Variants in HSPA9 observed in about 807,000 individuals in gnomAD.
HSPA9 encodes the protein heat shock protein family A (Hsp70) member 9, also known as stress-70 protein, mitochondrial.
Under a neutral mutation model 81.5 loss-of-function variants are expected in HSPA9, and 28 were observed. The observed-to-expected ratio is 0.34, with a 90% CI of 0.25 to 0.47. The LOEUF (loss-of-function observed/expected upper bound fraction) is 0.47, where lower values mean the gene tolerates loss of function less well. HSPA9 is among the 20% of genes least tolerant of loss of function. The probability of loss-of-function intolerance (pLI) is 1.00; values close to 1 mark genes in which losing one functional copy is unlikely to be tolerated. For missense variants in HSPA9, 678 were observed against 838.0 expected (o/e 0.81, Z 2.36); for synonymous variants, 293 against 290.4 (o/e 1.01, Z -0.09).
At chr5:138,557,361 G>C (rs1750550965) in intron 14 of HSPA9, 41 bp downstream of exon 14, 1 of 1,353,374 alleles carries the variant, frequency 7.4e-7, no homozygotes, top group East Asian at 2.3e-5. Flanking sequence ...TCAAGACTGA[G>C]CTTTACTAAG....
In HSPA9 at chr5:138,559,975, C is replaced by T. The variant is rs61755727; in HGVS notation, c.1299G>A (p.Thr433=). ...GAGTGACATCAAGGAGCAGCACATC[C>T]GTGACATCGCCGGCCAACACACCTC... ...IQGGVLAGDV[T]DVLLLDVTPL... Residue 433 remains threonine (T), a synonymous_variant, in exon 11 of 17, where the codon ACG becomes ACA. Transcript: ENST00000297185. 18 of 1,614,072 alleles carry T rather than the reference C, an allele frequency of 1.1e-5. No individual in the cohort carries two copies. Among genetic ancestry groups the T allele is most frequent in the South Asian group, 9.9e-5 (9 of 91,074 alleles).
chr5:138,572,379 G>C (rs1580751153), intron 3 of HSPA9, among the ~76,000 whole-genome samples: 1 of 152,166 alleles, frequency 6.6e-6, no homozygotes, highest in Non-Finnish European at 1.5e-5. Context: ...ACTATTAAGA[G>C]GGGTGGGAAT....
rs1207657183 is a variant in HSPA9, at chr5:138,555,822, G to C, written c.*215C>G. ...CATGCAGCTGAAAAATGACAGGCTA[G>C]GGACATAGAATATTGTGAACTTTAT... On this transcript the variant is annotated 3_prime_UTR_variant, in exon 17 of 17. Coordinates refer to ENST00000297185, the MANE Select transcript of HSPA9 (RefSeq NM_004134.7). The C allele has an allele frequency of 3.4e-6, 2 of 588,530 alleles. No homozygotes were observed. The highest frequency in any genetic ancestry group is 6.0e-6 in the Non-Finnish European group (2 of 332,294). 36.5% of individuals were successfully genotyped at this position (588,530 alleles called of 1,614,324 possible). A position where few individuals can be genotyped will look rare whatever the true frequency, so the allele number is the denominator to read the frequency against.
In HSPA9 at chr5:138,575,347, C is replaced by T. The variant is rs1751070330; in HGVS notation, c.-29G>A. ...GGATAAATGGAGGAGTACGAGGCAG[C>T]AAACAAGCGCTCCGACGGCAAAGAG... On this transcript the variant is annotated 5_prime_UTR_variant, in exon 1 of 17. Transcript: ENST00000297185. The T allele has an allele frequency of 2.5e-6, 4 of 1,575,982 alleles. No individual in the cohort carries two copies. The highest frequency in any genetic ancestry group is 1.7e-5 in the Admixed American group (1 of 59,212).
intron 1 of HSPA9, 27 bp downstream of exon 1, chr5:138,575,211 C>T (rs1264919726): frequency 3.9e-6 from 6 of 1,543,474 alleles, no homozygotes; most frequent in South Asian, 1.2e-5. Context: ...GGCCGTGACC[C>T]CATTCGGGAA....
intron 11 of HSPA9, chr5:138,559,058 A>G: frequency 5.0e-6 from 1 of 201,876 alleles, no homozygotes; most frequent in Admixed American, 5.2e-5. Context: ...CAACAACCAT[A>G]GTTTTATGGA....
intron 9 of HSPA9, among the ~76,000 whole-genome samples, chr5:138,565,575 A>G (rs901268655): frequency 6.6e-6 from 1 of 152,224 alleles, no homozygotes; most frequent in Admixed American, 6.5e-5. Context: ...AATGGTTTAT[A>G]TAATTCTATT....
intron 8 of HSPA9, 43 bp downstream of exon 8, chr5:138,566,958 T>G: frequency 6.3e-7 from 1 of 1,590,652 alleles, no homozygotes; most frequent in Non-Finnish European, 8.6e-7. Flanking sequence ...AAAGAATTTC[T>G]CAATATCCCA....
At position 138,555,976 on chromosome 5, in the gene HSPA9, G is replaced by C; in HGVS notation, c.*61C>G. On this transcript the variant is annotated 3_prime_UTR_variant, in exon 17 of 17. Coordinates refer to ENST00000297185, the MANE Select transcript of HSPA9 (RefSeq NM_004134.7). The stretch of plus-strand genomic sequence containing the variant: ...CTGAAGTTCGCCCATTTCTGCTCAG[G>C]AAGTCTCTTCACTCCTAAGCTTCAT... 8.4e-7 allele frequency: 1 copy of C among 1,185,928 alleles called. No homozygotes were observed. 73.5% of individuals were successfully genotyped at this position (1,185,928 alleles called of 1,614,324 possible). A position where few individuals can be genotyped will look rare whatever the true frequency, so the allele number is the denominator to read the frequency against.
intron 16 of HSPA9, 31 bp from the exon 17 acceptor site, chr5:138,556,145 AT>A: frequency 6.4e-7 from 1 of 1,567,538 alleles, no homozygotes; most frequent in Non-Finnish European, 8.8e-7. Flanking sequence ...AGCCACTCAG[AT>A]TTAACGTTAG....
Position 138,571,107 on chromosome 5 carries a change from G to T in HSPA9, c.263C>A (p.Pro88His), listed in dbSNP as rs1750874323. ...ATCTGCTGTAAAGGCCACAACTGAAGGGGTGGTTCTGGCACCTTCGGCATT... is the reference window on the plus strand; with the variant it reads ...ATCTGCTGTAAAGGCCACAACTGAATGGGTGGTTCTGGCACCTTCGGCATT... ...LENAEGARTTPSVVAFTADGE... is the reference protein window; with the variant it reads ...LENAEGARTTHSVVAFTADGE... Residue 88 changes from proline to histidine, a missense_variant, in exon 4 of 17, where the codon CCT becomes CAT. Physicochemically the swap from Pro to His is moderately conservative, Grantham distance 77. Coordinates refer to ENST00000297185, the MANE Select transcript of HSPA9 (RefSeq NM_004134.7). The T allele has an allele frequency of 6.2e-7, 1 of 1,613,972 alleles. No individual in the cohort carries two copies. The highest frequency in any genetic ancestry group is 8.5e-7 in the Non-Finnish European group (1 of 1,180,040).
In HSPA9 at chr5:138,555,973, CA is replaced by C. The variant is rs1009176634; in HGVS notation, c.*63del. The C allele has an allele frequency of 4.5e-5, 52 of 1,157,026 alleles. No homozygotes were observed. Among genetic ancestry groups the C allele is most frequent in the Middle Eastern group, 2.3e-4 (1 of 4,286 alleles). 71.7% of individuals were successfully genotyped at this position (1,157,026 alleles called of 1,614,324 possible). A position where few individuals can be genotyped will look rare whatever the true frequency, so the allele number is the denominator to read the frequency against. On this transcript the variant is annotated 3_prime_UTR_variant, in exon 17 of 17. Coordinates refer to ENST00000297185, the MANE Select transcript of HSPA9 (RefSeq NM_004134.7). ...AGACTGAAGTTCGCCCATTTCTGCT[CA>C]GGAAGTCTCTTCACTCCTAAGCTTC...
intron 5 of HSPA9, among the ~76,000 whole-genome samples, chr5:138,568,681 CT>C (rs1750816921): frequency 1.3e-5 from 2 of 152,066 alleles, no homozygotes; most frequent in Admixed American, 1.3e-4. Context: ...AGTCTTGTGG[CT>C]TTCAATATAG....
At chr5:138,566,969 A>G (rs780479008) in intron 8 of HSPA9, 32 bp downstream of exon 8, 10 of 1,605,476 alleles carry the variant, frequency 6.2e-6, no homozygotes, top group South Asian at 4.4e-5. Flanking sequence ...CAATATCCCA[A>G]CGTCTACATA....
chr5:138,564,650 GC>G (rs1309991971), intron 9 of HSPA9, among the ~76,000 whole-genome samples: 1 of 152,164 alleles, frequency 6.6e-6, no homozygotes, highest in African/African-American at 2.4e-5. Context: ...TGATATTCCT[GC>G]CCTGGCCACC....
intron 4 of HSPA9, among the ~76,000 whole-genome samples, chr5:138,569,524 G>A (rs1011768533): frequency 6.6e-6 from 1 of 152,154 alleles, no homozygotes; most frequent in African/African-American, 2.4e-5. Context: ...AAAATGTGCT[G>A]TATGTCCATA....
intron 16 of HSPA9, 92 bp from the exon 17 acceptor site, chr5:138,556,206 G>A: frequency 9.1e-7 from 1 of 1,095,056 alleles, no homozygotes; most frequent in South Asian, 1.2e-5. Context: ...ACCCACATAT[G>A]TCCTCATCAT....
chr5:138,566,695 G>A lies in HSPA9; in HGVS notation c.903C>T (p.Asp301=). The A allele has an allele frequency of 6.2e-7, 1 of 1,613,840 alleles. No individual in the cohort carries two copies. The highest frequency in any genetic ancestry group is 8.5e-7 in the Non-Finnish European group (1 of 1,179,778). ...KRETGVDLTK[D]NMALQRVREA... is the part of the protein sequence containing the mutation. Reference sequence around the variant, plus strand: ...CCCGTACCCTCTGAAGTGCCATGTTGTCTTTAGTCAAATCAACCCCTGTCT... The same window carrying A: ...CCCGTACCCTCTGAAGTGCCATGTTATCTTTAGTCAAATCAACCCCTGTCT... The change falls in exon 9 of 17, where the codon GAC becomes GAT. Residue 301 remains aspartate, a synonymous_variant. Coordinates refer to ENST00000297185, the MANE Select transcript of HSPA9 (RefSeq NM_004134.7).
chr5:138,562,801 T>G (rs1238489662), intron 9 of HSPA9, among the ~76,000 whole-genome samples: 1 of 152,172 alleles, frequency 6.6e-6, no homozygotes, highest in African/African-American at 2.4e-5. Flanking sequence ...CCAAATAACA[T>G]GCCATTAACC....
Sources: gnomAD v4.1 joint callset for allele counts (sites outside exome capture counted in the v4.1 genomes callset) on GRCh38, gnomAD v4.1.1 for gene constraint, MANE v1.5 for transcripts, NCBI Gene and HGNC (gene_info 2026-07-23, HGNC 2026-07-21) for gene names.